Variants in RAD18 observed in about 807,000 individuals in gnomAD.
RAD18 encodes the protein E3 ubiquitin-protein ligase RAD18.
RAD18 carries 47 observed loss-of-function variants against 60.4 expected under a neutral mutation model. The observed-to-expected ratio is 0.78, with a 90% CI of 0.62 to 0.99. The LOEUF (loss-of-function observed/expected upper bound fraction) is 0.99. RAD18 is among the 50% of genes least tolerant of loss of function. The pLI is 0.00. For missense variants in RAD18, 640 were observed against 593.3 expected (o/e 1.08, Z -0.82); for synonymous variants, 225 against 195.5 (o/e 1.15, Z -1.26).
chr3:8,918,724 G>C (rs1052421133), intron 7 of RAD18, among the ~76,000 whole-genome samples: 2 of 152,102 alleles, frequency 1.3e-5, no homozygotes, highest in African/African-American at 2.4e-5. Flanking sequence ...TGAAAAAGAG[G>C]GTACCCAGAA....
intron 7 of RAD18, among the ~76,000 whole-genome samples, chr3:8,929,247 T>C (rs1428915983): frequency 1.3e-5 from 2 of 151,518 alleles, no homozygotes; most frequent in African/African-American, 4.8e-5. Flanking sequence ...TTCAATGAAA[T>C]AGGAAAACAG....
rs746590678 is a variant in RAD18 at position 8,881,311 on chromosome 3, T to C, written c.*46A>G. 3 of 1,446,682 alleles carry C rather than the reference T, an allele frequency of 2.1e-6. No individual in the cohort carries two copies. The highest frequency in any genetic ancestry group is 1.2e-5 in the South Asian group (1 of 83,772). The allele number at this position is 1,446,682 out of a possible 1,614,324, so 89.6% of individuals were successfully genotyped here. On this transcript the variant is annotated 3_prime_UTR_variant, in exon 13 of 13. Transcript: ENST00000264926. ...AAAATCTATCTGTGGCAACCAAAAG[T>C]ACGGTATTCTAATCAATGCATTTGA...
intron 7 of RAD18, among the ~76,000 whole-genome samples, chr3:8,924,590 C>A (rs1940392179): frequency 7.5e-6 from 1 of 134,162 alleles, no homozygotes; most frequent in Non-Finnish European, 1.6e-5. Flanking sequence ...ACTCTCCACC[C>A]CAAATCAACA....
chr3:8,947,919 TA>T (rs2124837340), intron 3 of RAD18, among the ~76,000 whole-genome samples: 1 of 152,156 alleles, frequency 6.6e-6, no homozygotes, highest in East Asian at 1.9e-4. Flanking sequence ...GAGGCAAAAC[TA>T]ACCAAACTCC....
intron 7 of RAD18, among the ~76,000 whole-genome samples, chr3:8,920,422 A>T (rs1274990178): frequency 6.6e-6 from 1 of 152,178 alleles, no homozygotes; most frequent in Admixed American, 6.5e-5. Context: ...ACTATCACAG[A>T]AAAGAATAGT....
At chr3:8,886,084 AGTGCTT>A (rs1939559159) in intron 12 of RAD18, among the ~76,000 whole-genome samples, 1 of 152,260 alleles carries the variant, frequency 6.6e-6, no homozygotes, top group Non-Finnish European at 1.5e-5. Context: ...TCTCAAGGCC[AGTGCTT>A]GTTTAGCTGC....
At chr3:8,909,813 T>C (rs1300861366) in intron 9 of RAD18, among the ~76,000 whole-genome samples, 3 of 152,160 alleles carry the variant, frequency 2.0e-5, no homozygotes, top group African/African-American at 7.2e-5. Flanking sequence ...ACACATAAAA[T>C]ACACTAACAC....
chr3:8,921,035 T>C (rs942915286), intron 7 of RAD18, among the ~76,000 whole-genome samples: 1 of 152,168 alleles, frequency 6.6e-6, no homozygotes, highest in Admixed American at 6.5e-5. Flanking sequence ...TACAAGGACA[T>C]ATTTAGGGGT....
At position 8,904,730 on chromosome 3, in the gene RAD18, A is replaced by G. The variant is rs986203099; in HGVS notation, c.1028-2210T>C. 1.8e-4 allele frequency among the ~76,000 whole-genome samples: 27 copies of G among 152,288 alleles called. 1 individual carries two copies. The South Asian group carries it at 2.1e-3, about 12-fold the overall frequency. ...CTACCATCATCATTATGTAGTTTCT[A>G]TTAGGCGAGGGTGACACAGTACTAT... is the stretch of plus-strand genomic sequence containing the variant. On this transcript the variant is annotated intron_variant, in intron 9 of 12. Transcript: ENST00000264926.
At chr3:8,929,178 A>G (rs925753045) in intron 7 of RAD18, among the ~76,000 whole-genome samples, 1 of 152,136 alleles carries the variant, frequency 6.6e-6, no homozygotes, top group African/African-American at 2.4e-5. Context: ...TAAGCTAAAA[A>G]AAGAAGAGCA....
chr3:8,938,445 C>T (rs1264566501), intron 6 of RAD18, among the ~76,000 whole-genome samples: 3 of 152,168 alleles, frequency 2.0e-5, no homozygotes, highest in African/African-American at 7.2e-5. Flanking sequence ...TTGGAAAATA[C>T]TCTTCAAAGT....
chr3:8,936,101 T>C, intron 6 of RAD18, 46 bp from the exon 7 acceptor site: 4 of 1,391,310 alleles, frequency 2.9e-6, no homozygotes, highest in Non-Finnish European at 3.8e-6. Flanking sequence ...AATTATCAAA[T>C]GCTTTTCATG....
chr3:8,950,911 C>T (rs1407178215), intron 2 of RAD18, among the ~76,000 whole-genome samples: 6 of 151,986 alleles, frequency 3.9e-5, no homozygotes, highest in Admixed American at 2.6e-4. Context: ...AGATTGAACA[C>T]GGCTGAGGAA....
chr3:8,945,468 C>CTTT (rs375744764), intron 4 of RAD18, among the ~76,000 whole-genome samples: 39,244 of 96,238 alleles, frequency 0.41, 9,631 homozygotes, highest in Non-Finnish European at 0.55. Context: ...TTTCCATCTT[C>CTTT]TTTTTTTTTT....
intron 2 of RAD18, among the ~76,000 whole-genome samples, chr3:8,951,364 C>A (rs1478658950): frequency 1.3e-5 from 2 of 152,086 alleles, no homozygotes; most frequent in African/African-American, 4.8e-5. Flanking sequence ...AAAATCATCA[C>A]CAACCTAAAA....
In RAD18 at chr3:8,960,001, G is replaced by A. The variant is rs577026717; in HGVS notation, c.52-1000C>T. ...ATACTATGCTACGGTTTGTTTAAAA[G>A]GAAGAGGTGAGTAAGAATGTATTCT... On this transcript the variant is annotated intron_variant, in intron 1 of 12. Coordinates refer to ENST00000264926, the MANE Select transcript of RAD18 (RefSeq NM_020165.4). Among the ~76,000 whole-genome samples the A allele has an allele frequency of 7.2e-5, 11 of 152,240 alleles. 1 individual carries two copies. The East Asian group carries it at 2.1e-3, about 29-fold the overall frequency.
chr3:8,913,611 C>T, intron 8 of RAD18, 33 bp downstream of exon 8: 1 of 1,409,498 alleles, frequency 7.1e-7, no homozygotes. Context: ...TTCTTCATTT[C>T]TATCCATATA....
At chr3:8,894,267 C>T (rs1939746897) in intron 11 of RAD18, among the ~76,000 whole-genome samples, 1 of 152,120 alleles carries the variant, frequency 6.6e-6, no homozygotes, top group African/African-American at 2.4e-5. Context: ...AGTTTCACTG[C>T]TCTCCACTAG....
chr3:8,922,284 G>A (rs1465487842), intron 7 of RAD18, among the ~76,000 whole-genome samples: 1 of 152,254 alleles, frequency 6.6e-6, no homozygotes, highest in African/African-American at 2.4e-5. Context: ...CGCACCAGGA[G>A]ATTATATCCC....
Sources: allele counts gnomAD v4.1 joint callset (sites outside exome capture counted in the v4.1 genomes callset), GRCh38; gene constraint gnomAD v4.1.1; transcripts MANE v1.5; gene names NCBI Gene and HGNC (gene_info 2026-07-23, HGNC 2026-07-21).